CHGA: variants seen among roughly 807,000 people sequenced by gnomAD.
CHGA encodes chromogranin-A.
Under a neutral mutation model 54.4 loss-of-function variants are expected in CHGA, and 41 were observed. The ratio of observed to expected loss-of-function variants is 0.75; its 90% CI spans 0.59 to 0.98. The LOEUF is 0.98. CHGA is among the 50% of genes least tolerant of loss of function. The probability of loss-of-function intolerance (pLI) is 0.00; values close to 1 mark genes in which losing one functional copy is unlikely to be tolerated. For synonymous variants in CHGA, 249 were observed against 232.8 expected (o/e 1.07, Z -0.63); for missense variants, 576 against 582.3 (o/e 0.99, Z 0.11).
intron 2 of CHGA, among the ~76,000 whole-genome samples, chr14:92,924,466 C>T (rs941101637): frequency 3.3e-5 from 5 of 152,226 alleles, no homozygotes; most frequent in African/African-American, 4.8e-5. Context: ...GCACATGCAG[C>T]GGAAGAGGCC....
chr14:92,923,548 C>A (rs1406959736), intron 1 of CHGA, 143 bp downstream of exon 1: 7 of 705,682 alleles, frequency 9.9e-6, no homozygotes, highest in Non-Finnish European at 1.4e-5. Context: ...AGCGCCTCCG[C>A]CTCCCGCCTG....
intron 3 of CHGA, among the ~76,000 whole-genome samples, chr14:92,927,260 G>T (rs1014839801): frequency 3.3e-5 from 5 of 152,212 alleles, no homozygotes; most frequent in African/African-American, 2.4e-5. Context: ...GCATGGAGAT[G>T]GGAACCTGTT....
At chr14:92,926,367 G>C (rs1278984350) in intron 2 of CHGA, 1 of 541,658 alleles carries the variant, frequency 1.8e-6, no homozygotes, top group Non-Finnish European at 3.3e-6. Context: ...AGGGGAACCT[G>C]CTGGCCATGT....
Position 92,923,292 on chromosome 14 carries a change from A to C in CHGA, c.-68A>C. 8.0e-7 allele frequency: 1 copy of C among 1,253,160 alleles called. No homozygotes were observed. The highest frequency in any genetic ancestry group is 1.0e-6 in the Non-Finnish European group (1 of 999,156). The allele number at this position is 1,253,160 out of a possible 1,614,324, so 77.6% of individuals were successfully genotyped here. On this transcript the variant is annotated 5_prime_UTR_variant, in exon 1 of 8. Transcript: ENST00000216492. ...GCAGCCCGACCCCGGCCGCCAGTCC[A>C]GCCGCCCCTCGCCCGGTGCCTAGGT...
In CHGA at chr14:92,931,728, C is replaced by T. The variant is rs767746033; in HGVS notation, c.808+26C>T. 1.8e-5 allele frequency: 27 copies of T among 1,536,842 alleles called. No individual in the cohort carries two copies. The South Asian group carries it at 2.9e-4, about 17-fold the overall frequency. On this transcript the variant is annotated intron_variant, in intron 6 of 7. Coordinates refer to ENST00000216492, the MANE Select transcript of CHGA (RefSeq NM_001275.4). ...GTACGTATGATGGCGAAGACCTCAA[C>T]GAACGTGTCTGGGAGAGGGGGATGG...
Position 92,932,914 on chromosome 14 carries a change from C to T in CHGA, c.1290+63C>T. The stretch of plus-strand genomic sequence containing the variant: ...CGGAGCAGCAGGGGGCAGCCGCACC[C>T]AGACACACTGCCCCTGCCCCACTGA... On this transcript the variant is annotated intron_variant, in intron 7 of 7. Coordinates refer to ENST00000216492, the MANE Select transcript of CHGA (RefSeq NM_001275.4). The surrounding 1 kb of genome is among the most constrained non-coding windows in gnomAD (Gnocchi z 5.3). 6.9e-7 allele frequency: 1 copy of T among 1,448,124 alleles called. No individual in the cohort carries two copies. The highest frequency in any genetic ancestry group is 2.8e-5 in the Admixed American group (1 of 35,164). 89.7% of individuals were successfully genotyped at this position (1,448,124 alleles called of 1,614,324 possible).
At chr14:92,929,909 C>G (rs1886961850) in intron 5 of CHGA, 94 bp downstream of exon 5, 2 of 925,890 alleles carry the variant, frequency 2.2e-6, no homozygotes, top group Non-Finnish European at 3.4e-6. Flanking sequence ...GAGTCGGGAG[C>G]CCCACCCATA....
In CHGA at chr14:92,932,362, T is replaced by A; in HGVS notation, c.809-8T>A. 6.4e-7 allele frequency: 1 copy of A among 1,572,020 alleles called. No individual in the cohort carries two copies. Among genetic ancestry groups the A allele is most frequent in the Non-Finnish European group, 8.6e-7 (1 of 1,158,562 alleles). On this transcript the variant is annotated splice_region_variant and splice_polypyrimidine_tract_variant and intron_variant, in intron 6 of 7. Transcript: ENST00000216492. The surrounding 1 kb of genome is among the most constrained non-coding windows in gnomAD (Gnocchi z 5.3). ...CATTCTCCTGCTCTTGCCCACCACC[T>A]GCTCCAGGTCGGTCGGAGGCTCTGG...
chr14:92,927,922 T>C (rs1423836054), intron 4 of CHGA, among the ~76,000 whole-genome samples: 1 of 152,168 alleles, frequency 6.6e-6, no homozygotes, highest in Non-Finnish European at 1.5e-5. Context: ...CTTTATGAAG[T>C]AGTGAGCCAC....
intron 7 of CHGA, among the ~76,000 whole-genome samples, chr14:92,934,155 G>A (rs543801319): frequency 1.2e-3 from 184 of 152,326 alleles, no homozygotes; most frequent in African/African-American, 4.1e-3. Context: ...TCTAAGTCTT[G>A]AGGTTGTGCT....
intron 6 of CHGA, 127 bp downstream of exon 6, chr14:92,931,829 C>T (rs1887005761): frequency 1.0e-6 from 1 of 967,238 alleles, no homozygotes; most frequent in African/African-American, 1.6e-5. Flanking sequence ...GCTCCATTTC[C>T]CAGGTGGACA....
chr14:92,932,226 C>A lies in CHGA; in HGVS notation c.809-144C>A. The A allele has an allele frequency of 8.6e-7, 1 of 1,164,358 alleles. No individual in the cohort carries two copies. Among genetic ancestry groups the A allele is most frequent in the Non-Finnish European group, 1.2e-6 (1 of 854,154 alleles). 72.1% of individuals were successfully genotyped at this position (1,164,358 alleles called of 1,614,324 possible). On this transcript the variant is annotated intron_variant, in intron 6 of 7. Coordinates refer to ENST00000216492, the MANE Select transcript of CHGA (RefSeq NM_001275.4). This position sits in a 1 kb window ranked among gnomAD's most constrained non-coding sequence, Gnocchi z 5.3. Reference sequence around the variant, plus strand: ...GCCGAGAGGGTCTTGCAAAGCCTGGCATCAAGAAGGTTTTTCCCGCTAAGC... The same window carrying A: ...GCCGAGAGGGTCTTGCAAAGCCTGGAATCAAGAAGGTTTTTCCCGCTAAGC...
intron 1 of CHGA, among the ~76,000 whole-genome samples, 165 bp downstream of exon 1, chr14:92,923,570 T>C (rs1311121685): frequency 3.9e-5 from 6 of 152,166 alleles, no homozygotes; most frequent in African/African-American, 1.2e-4. Flanking sequence ...CCCTGCAGTG[T>C]GGCCTCCGCC....
rs1380686916 is a variant in CHGA, at chr14:92,932,812, G to A, written c.1251G>A (p.Glu417=). The change falls in exon 7 of 8, where the codon GAG becomes GAA. Residue 417 remains glutamate (E), a synonymous_variant. Coordinates refer to ENST00000216492, the MANE Select transcript of CHGA (RefSeq NM_001275.4). This position sits in a 1 kb window ranked among gnomAD's most constrained non-coding sequence, Gnocchi z 5.3. ...TCCAGGTCCGAGGCTACCCCGAGGA[G>A]AAGAAAGAGGAGGAGGGCAGCGCAA... The part of the protein sequence containing the change: ...LPLQVRGYPE[E]KKEEEGSANR... 2.6e-6 allele frequency: 4 copies of A among 1,541,418 alleles called. No individual in the cohort carries two copies. Among genetic ancestry groups the A allele is most frequent in the Admixed American group, 2.0e-5 (1 of 50,276 alleles).
chr14:92,932,757 G>T lies in CHGA; in HGVS notation c.1196G>T (p.Arg399Leu), dbSNP rs776448712. Residue 399 changes from arginine to leucine, a missense_variant, in exon 7 of 8, where the codon CGG becomes CTG. Arg to Leu is a moderately radical substitution (Grantham distance 102). Coordinates refer to ENST00000216492, the MANE Select transcript of CHGA (RefSeq NM_001275.4). This position sits in a 1 kb window ranked among gnomAD's most constrained non-coding sequence, Gnocchi z 5.3. Reference sequence around the variant, plus strand: ...CGACGAGGCTGGAGGCCATCCTCCCGGGAGGACAGCCTTGAGGCGGGCCTG... The same window carrying T: ...CGACGAGGCTGGAGGCCATCCTCCCTGGAGGACAGCCTTGAGGCGGGCCTG... ...QLRRGWRPSS[R>L]EDSLEAGLPL... 6.2e-7 allele frequency: 1 copy of T among 1,606,034 alleles called. No individual in the cohort carries two copies. The highest frequency in any genetic ancestry group is 8.5e-7 in the Non-Finnish European group (1 of 1,177,086).
In CHGA at chr14:92,932,327, G is replaced by A; in HGVS notation, c.809-43G>A. On this transcript the variant is annotated intron_variant, in intron 6 of 7. Coordinates refer to ENST00000216492, the MANE Select transcript of CHGA (RefSeq NM_001275.4). This position sits in a 1 kb window ranked among gnomAD's most constrained non-coding sequence, Gnocchi z 5.3. ...AGTGGCAGAGACTGGGAAAATGGTG[G>A]TCCCCCACCCATTCTCCTGCTCTTG... The A allele has an allele frequency of 6.6e-7, 1 of 1,522,284 alleles. No individual in the cohort carries two copies. The highest frequency in any genetic ancestry group is 1.3e-5 in the South Asian group (1 of 77,570). 94.3% of individuals were successfully genotyped at this position (1,522,284 alleles called of 1,614,324 possible).
chr14:92,929,764 G>A lies in CHGA; in HGVS notation c.304G>A (p.Asp102Asn), dbSNP rs773275474. The change falls in exon 5 of 8, where the codon GAT (aspartate) becomes AAT (asparagine). Residue 102 changes from aspartate to asparagine, a missense_variant. Coordinates refer to ENST00000216492, the MANE Select transcript of CHGA (RefSeq NM_001275.4). ...HQQKKHSGFE[D>N]ELSEVLENQS... ...GCAGAAGAAACACAGCGGTTTTGAAGATGAACTCTCAGAGGTTCTTGAGAA... is the reference window on the plus strand; with the variant it reads ...GCAGAAGAAACACAGCGGTTTTGAAAATGAACTCTCAGAGGTTCTTGAGAA... 1 of 1,613,842 alleles carries A rather than the reference G, an allele frequency of 6.2e-7. No homozygotes were observed. The highest frequency in any genetic ancestry group is 1.1e-5 in the South Asian group (1 of 91,086).
At chr14:92,928,095 C>T (rs1322634973) in intron 4 of CHGA, among the ~76,000 whole-genome samples, 1 of 152,254 alleles carries the variant, frequency 6.6e-6, no homozygotes, top group Non-Finnish European at 1.5e-5. Context: ...TGAGTTTGGC[C>T]CTGCACCTGC....
chr14:92,929,660 A>G lies in CHGA; in HGVS notation c.257-57A>G, dbSNP rs1886955381. 19 of 1,508,446 alleles carry G rather than the reference A, an allele frequency of 1.3e-5. No individual in the cohort carries two copies. In the East Asian group the frequency reaches 4.3e-4, roughly 34 times the overall value. 93.4% of individuals were successfully genotyped at this position (1,508,446 alleles called of 1,614,324 possible). ...GGGAAATGGAGGTCTTCACTCTTATAGACAAATATGCCACAGCTGCACCCA... is the reference window on the plus strand; with the variant it reads ...GGGAAATGGAGGTCTTCACTCTTATGGACAAATATGCCACAGCTGCACCCA... On this transcript the variant is annotated intron_variant, in intron 4 of 7. Coordinates refer to ENST00000216492, the MANE Select transcript of CHGA (RefSeq NM_001275.4).
Sources: gnomAD v4.1 joint callset for allele counts (sites outside exome capture counted in the v4.1 genomes callset) on GRCh38, gnomAD v4.1.1 for gene constraint, Gnocchi (gnomAD v3.1) non-coding constraint, MANE v1.5 for transcripts, NCBI Gene and HGNC (gene_info 2026-07-23, HGNC 2026-07-21) for gene names.